The following SMYD3 variants were observed in gnomAD, a reference collection of about 807,000 sequenced individuals.
SMYD3 encodes histone-lysine N-methyltransferase SMYD3.
In SMYD3, 36 loss-of-function variants were observed where a neutral mutation model predicts 57.7. The observed-to-expected ratio is 0.62, with a 90% CI of 0.48 to 0.82. SMYD3 has a LOEUF of 0.82. Among genes scored for constraint, SMYD3 ranks in the 40% least tolerant of loss-of-function variants. SMYD3 has a pLI of 0.00. For missense variants in SMYD3, 515 were observed against 538.8 expected (o/e 0.96, Z 0.44); for synonymous variants, 211 against 195.0 (o/e 1.08, Z -0.68).
chr1:245,822,154 C>G (rs1008774129), intron 10 of SMYD3, among the ~76,000 whole-genome samples: 4 of 152,098 alleles, frequency 2.6e-5, no homozygotes, highest in Middle Eastern at 3.2e-3. Flanking sequence ...ACCCAAATGT[C>G]CAACAATGAT....
chr1:246,447,109 T>C (rs2067560762), intron 1 of SMYD3, among the ~76,000 whole-genome samples: 1 of 152,044 alleles, frequency 6.6e-6, no homozygotes, highest in Admixed American at 6.5e-5. Context: ...TTAAACTATA[T>C]AGCTTTCAAG....
intron 1 of SMYD3, among the ~76,000 whole-genome samples, chr1:246,409,844 T>C (rs1354399578): frequency 1.3e-5 from 2 of 152,216 alleles, no homozygotes; most frequent in African/African-American, 4.8e-5. Flanking sequence ...TATCCTCTTT[T>C]ATTTCATTGA....
chr1:246,363,116 G>A (rs1388999724), intron 1 of SMYD3, among the ~76,000 whole-genome samples: 6 of 147,170 alleles, frequency 4.1e-5, no homozygotes, highest in East Asian at 2.0e-4. Context: ...TGGCCGCCCC[G>A]TCTGAGAAGT....
chr1:245,888,212 G>C (rs1353942896), intron 8 of SMYD3, among the ~76,000 whole-genome samples: 1 of 152,124 alleles, frequency 6.6e-6, no homozygotes, highest in Non-Finnish European at 1.5e-5. Context: ...GTCTTAAATG[G>C]ACACTTAAAT....
At chr1:245,888,001 T>C (rs1323949864) in intron 8 of SMYD3, among the ~76,000 whole-genome samples, 3 of 152,210 alleles carry the variant, frequency 2.0e-5, no homozygotes, top group African/African-American at 7.2e-5. Flanking sequence ...CTAAGCAATA[T>C]AAGACGCCTT....
intron 5 of SMYD3, among the ~76,000 whole-genome samples, chr1:246,043,075 T>C (rs896525923): frequency 6.6e-6 from 1 of 152,224 alleles, no homozygotes; most frequent in Non-Finnish European, 1.5e-5. Context: ...CCCACCTCTA[T>C]CTACACATAA....
intron 2 of SMYD3, among the ~76,000 whole-genome samples, chr1:246,338,873 G>A (rs1306378582): frequency 3.3e-5 from 5 of 152,172 alleles, no homozygotes; most frequent in Non-Finnish European, 7.3e-5. Context: ...TTTGTCACAA[G>A]GTTTATGGAA....
chr1:245,893,109 G>A (rs1043228121), intron 8 of SMYD3, among the ~76,000 whole-genome samples: 9 of 152,100 alleles, frequency 5.9e-5, no homozygotes, highest in Non-Finnish European at 1.2e-4. Context: ...ACACAAACAC[G>A]TGAGAAAACA....
chr1:246,235,923 T>TA (rs2063506694), intron 5 of SMYD3, among the ~76,000 whole-genome samples: 1 of 152,202 alleles, frequency 6.6e-6, no homozygotes, highest in Non-Finnish European at 1.5e-5. Flanking sequence ...AACAGCCACA[T>TA]ATGGCTAATG....
intron 1 of SMYD3, among the ~76,000 whole-genome samples, chr1:246,463,466 G>C (rs1213467020): frequency 1.4e-5 from 2 of 146,824 alleles, no homozygotes; most frequent in African/African-American, 4.9e-5. Context: ...TTTTAAACAT[G>C]TGGAATTTCC....
chr1:245,945,816 T>A (rs1201192685), intron 5 of SMYD3, among the ~76,000 whole-genome samples: 1 of 152,160 alleles, frequency 6.6e-6, no homozygotes, highest in Non-Finnish European at 1.5e-5. Context: ...TTGCAGGGAC[T>A]TAGATGGAAC....
rs2062929310 is a variant in SMYD3, at chr1:246,201,979, C to T, written c.531+125222G>A. ...AGTGAGCTGAGATCATGCCATTGCA[C>T]TCCAGCCTGGGCAACAGAGACTCTG... On this transcript the variant is annotated intron_variant, in intron 5 of 11. Coordinates refer to ENST00000490107, the MANE Select transcript of SMYD3 (RefSeq NM_001167740.2). 2.0e-5 allele frequency among the ~76,000 whole-genome samples: 3 copies of T among 150,862 alleles called. No homozygotes were observed. The South Asian group carries it at 6.3e-4, about 32-fold the overall frequency.
intron 5 of SMYD3, among the ~76,000 whole-genome samples, chr1:246,025,053 G>C (rs2059550691): frequency 6.6e-6 from 1 of 151,640 alleles, no homozygotes; most frequent in Non-Finnish European, 1.5e-5. Flanking sequence ...GAGAGATACA[G>C]CAAGTGGACA....
At chr1:246,326,371 G>C in intron 5 of SMYD3, 2 of 697,072 alleles carry the variant, frequency 2.9e-6, no homozygotes, top group Non-Finnish European at 5.3e-6. Flanking sequence ...TAAATATCAA[G>C]AAGCAATCAT....
At chr1:246,392,002 T>A (rs2066580524) in intron 1 of SMYD3, among the ~76,000 whole-genome samples, 1 of 152,224 alleles carries the variant, frequency 6.6e-6, no homozygotes, top group Non-Finnish European at 1.5e-5. Flanking sequence ...TTTCAGCTTA[T>A]CACCAAACCC....
At chr1:246,414,430 T>C (rs1278855541) in intron 1 of SMYD3, among the ~76,000 whole-genome samples, 1 of 151,884 alleles carries the variant, frequency 6.6e-6, no homozygotes, top group Non-Finnish European at 1.5e-5. Flanking sequence ...CAGAGGAGGG[T>C]CCACATAGAA....
chr1:245,991,818 T>C (rs1288283150), intron 5 of SMYD3, among the ~76,000 whole-genome samples: 2 of 135,550 alleles, frequency 1.5e-5, no homozygotes, highest in Admixed American at 7.6e-5. Context: ...CAACTGAACC[T>C]CAGAAACGGC....
chr1:246,209,330 T>C (rs549729973), intron 5 of SMYD3, among the ~76,000 whole-genome samples: 1 of 152,268 alleles, frequency 6.6e-6, no homozygotes, highest in South Asian at 2.1e-4. Context: ...TAATGAATTA[T>C]ACAAACTAAT....
chr1:245,831,899 G>A (rs1306903769), intron 10 of SMYD3, among the ~76,000 whole-genome samples: 2 of 152,180 alleles, frequency 1.3e-5, no homozygotes, highest in Non-Finnish European at 2.9e-5. Context: ...GTTTTGAATT[G>A]GAAACTTTGC....
Sources: allele counts gnomAD v4.1 joint callset (sites outside exome capture counted in the v4.1 genomes callset), GRCh38; gene constraint gnomAD v4.1.1; transcripts MANE v1.5; gene names NCBI Gene and HGNC (gene_info 2026-07-23, HGNC 2026-07-21).